FAM47E: variants seen among roughly 807,000 people sequenced by gnomAD.
FAM47E encodes protein FAM47E.
FAM47E carries 32 observed loss-of-function variants against 41.6 expected under a neutral mutation model. The ratio of observed to expected loss-of-function variants is 0.77; its 90% confidence interval spans 0.58 to 1.03. The LOEUF (loss-of-function observed/expected upper bound fraction) is 1.03, where lower values mean the gene tolerates loss of function less well. Among genes scored for constraint, FAM47E ranks in the 50% least tolerant of loss-of-function variants. The probability of loss-of-function intolerance (pLI) is 0.00; values close to 1 mark genes in which losing one functional copy is unlikely to be tolerated. For synonymous variants in FAM47E, 184 were observed against 188.7 expected (o/e 0.98, Z 0.20); for missense variants, 424 against 485.4 (o/e 0.87, Z 1.19).
intron 1 of FAM47E, among the ~76,000 whole-genome samples, chr4:76,254,169 A>G (rs2110002817): frequency 6.6e-6 from 1 of 151,732 alleles, no homozygotes; most frequent in Non-Finnish European, 1.5e-5. Context: ...TGAAGAAAGT[A>G]GACTGGATTT....
At chr4:76,277,309 C>T (rs976941312) in intron 5 of FAM47E, among the ~76,000 whole-genome samples, 1 of 151,896 alleles carries the variant, frequency 6.6e-6, no homozygotes, top group Non-Finnish European at 1.5e-5. Flanking sequence ...ATGGTGAAAC[C>T]CCGTCTCTAC....
At chr4:76,245,005 C>T (rs779849037) in intron 2 of FAM47E, among the ~76,000 whole-genome samples, 115 of 152,286 alleles carry the variant, frequency 7.6e-4, no homozygotes, top group Non-Finnish European at 1.3e-3. Context: ...GAGTATCTAT[C>T]TAGACTATTG....
chr4:76,266,365 C>T (rs541863711), intron 3 of FAM47E, among the ~76,000 whole-genome samples: 1 of 152,324 alleles, frequency 6.6e-6, no homozygotes, highest in South Asian at 2.1e-4. Context: ...CTTGTTTTCT[C>T]CCCCGAACTT....
chr4:76,239,887 G>T (rs543809068), intron 2 of FAM47E, among the ~76,000 whole-genome samples: 69 of 152,194 alleles, frequency 4.5e-4, no homozygotes, highest in African/African-American at 1.7e-3. Context: ...TATGGATCTA[G>T]TCTGCATTAA....
At chr4:76,279,515 A>G (rs562745128) in intron 6 of FAM47E, 1 of 152,376 alleles carries the variant, frequency 6.6e-6, no homozygotes, top group Non-Finnish European at 1.5e-5. Flanking sequence ...TAACTCGTAT[A>G]GTAAAAGATT....
intron 1 of FAM47E, among the ~76,000 whole-genome samples, chr4:76,255,901 C>T (rs1268787156): frequency 6.6e-6 from 1 of 152,182 alleles, no homozygotes; most frequent in African/African-American, 2.4e-5. Context: ...TCCACTAGGG[C>T]AGTTTTGCTT....
chr4:76,255,900 G>A lies in FAM47E; in HGVS notation c.75-278G>A, dbSNP rs145376832. ...AAGGATATATTCCAAATCCACTAGG[G>A]CAGTTTTGCTTTTGCAAGGGAGACC... On this transcript the variant is annotated intron_variant, in intron 1 of 7. Transcript: ENST00000424749. Among the ~76,000 whole-genome samples the A allele has an allele frequency of 5.3e-5, 8 of 152,252 alleles. No individual in the cohort carries two copies. In the East Asian group the frequency reaches 1.5e-3, roughly 29 times the overall value.
At chr4:76,262,711 A>G (rs1734469610) in intron 2 of FAM47E, among the ~76,000 whole-genome samples, 1 of 152,108 alleles carries the variant, frequency 6.6e-6, no homozygotes, top group East Asian at 1.9e-4. Context: ...ACATTTTTTG[A>G]TATCTTGGTT....
rs1035697151 is a variant in FAM47E at position 76,252,721 on chromosome 4, C to G, written c.74+901C>G. 7.0e-4 allele frequency among the ~76,000 whole-genome samples: 106 copies of G among 152,262 alleles called. 1 individual carries two copies. Among genetic ancestry groups the G allele is most frequent in the Non-Finnish European group, 3.7e-4 (25 of 68,022 alleles). Reference sequence around the variant, plus strand: ...GAGCTTCTTTGGGAAGCTTCTCCCCCCCATTTAAAAATTTTGTTTTGAAAT... The same window carrying G: ...GAGCTTCTTTGGGAAGCTTCTCCCCGCCATTTAAAAATTTTGTTTTGAAAT... On this transcript the variant is annotated intron_variant, in intron 1 of 7. Coordinates refer to ENST00000424749, the MANE Select transcript of FAM47E (RefSeq NM_001136570.3).
At chr4:76,229,931 C>T (rs10222765) in intron 2 of FAM47E, among the ~76,000 whole-genome samples, 18,501 of 152,170 alleles carry the variant, frequency 0.12, 1,491 homozygotes, top group East Asian at 0.41. Flanking sequence ...GTTATTCTGT[C>T]ATTAATTGCT....
intron 2 of FAM47E, among the ~76,000 whole-genome samples, chr4:76,238,745 T>A (rs1733640053): frequency 1.3e-5 from 2 of 152,154 alleles, no homozygotes; most frequent in Admixed American, 6.5e-5. Context: ...TACCACAATT[T>A]TTAATTGTGG....
chr4:76,264,107 A>G (rs1038529982), intron 3 of FAM47E, among the ~76,000 whole-genome samples: 9 of 152,194 alleles, frequency 5.9e-5, no homozygotes, highest in African/African-American at 2.2e-4. Context: ...GAGGGGTAGA[A>G]ACAGTGAAGG....
chr4:76,272,317 T>C (rs1023510076), intron 5 of FAM47E, among the ~76,000 whole-genome samples: 11 of 152,202 alleles, frequency 7.2e-5, no homozygotes, highest in Non-Finnish European at 1.3e-4. Context: ...TAAAGTACTA[T>C]TTACTTTTCT....
At chr4:76,257,880 T>A (rs1560743319) in intron 2 of FAM47E, among the ~76,000 whole-genome samples, 1 of 151,894 alleles carries the variant, frequency 6.6e-6, no homozygotes, top group Non-Finnish European at 1.5e-5. Flanking sequence ...TCTTTCACTG[T>A]GTACCACCAA....
At chr4:76,245,419 A>T (rs1247571546) in intron 2 of FAM47E, among the ~76,000 whole-genome samples, 1 of 152,120 alleles carries the variant, frequency 6.6e-6, no homozygotes, top group East Asian at 1.9e-4. Context: ...CAAAAGCCGG[A>T]ATCATAGCAC....
At chr4:76,236,786 A>G (rs1733594102) in intron 2 of FAM47E, 1 of 152,126 alleles carries the variant, frequency 6.6e-6, no homozygotes, top group Admixed American at 6.5e-5. Flanking sequence ...CAGAAAGGAA[A>G]TGTCTGGGTT....
intron 2 of FAM47E, chr4:76,217,785 A>T: frequency 2.4e-6 from 1 of 409,292 alleles, no homozygotes; most frequent in Non-Finnish European, 4.3e-6. Flanking sequence ...TAAAATCAGA[A>T]GACTTTATCT....
intron 1 of FAM47E, among the ~76,000 whole-genome samples, chr4:76,255,384 A>T (rs1734144635): frequency 6.6e-6 from 1 of 152,158 alleles, no homozygotes; most frequent in Admixed American, 6.5e-5. Flanking sequence ...AGAACAGTAG[A>T]ACAGTGTCTG....
chr4:76,276,604 C>G (rs977826716), intron 5 of FAM47E, among the ~76,000 whole-genome samples: 19 of 152,126 alleles, frequency 1.2e-4, no homozygotes, highest in Admixed American at 1.3e-4. Context: ...CTCAGGTGAT[C>G]CGCCCACCTT....
Sources: allele counts gnomAD v4.1 joint callset (sites outside exome capture counted in the v4.1 genomes callset), GRCh38; gene constraint gnomAD v4.1.1; transcripts MANE v1.5; gene names NCBI Gene and HGNC (gene_info 2026-07-23, HGNC 2026-07-21).